Variants in AR observed in about 807,000 individuals in gnomAD.
The protein encoded by AR is dihydrotestosterone receptor.
Under a neutral mutation model 53.9 loss-of-function variants are expected in AR, and 8 were observed. The ratio of observed to expected loss-of-function variants is 0.15; its 90% confidence interval spans 0.09 to 0.27. The LOEUF (loss-of-function observed/expected upper bound fraction) is 0.27, where lower values mean the gene tolerates loss of function less well. Ranked by LOEUF, AR falls within the 10% of genes least tolerant of loss-of-function variation. The pLI is 1.00. For missense variants in AR, 639 were observed against 742.5 expected (o/e 0.86, Z 1.62); for synonymous variants, 359 against 316.4 (o/e 1.13, Z -1.43).
chrX:67,712,219 C>T (rs1209487225), intron 4 of AR, among the ~76,000 whole-genome samples: 1 of 111,969 alleles, frequency 8.9e-6, no homozygotes, highest in Non-Finnish European at 1.9e-5. Flanking sequence ...GATCCCTTCC[C>T]CTTCTGGGTC....
intron 5 of AR, among the ~76,000 whole-genome samples, chrX:67,718,345 T>C (rs1171311415): frequency 9.0e-6 from 1 of 111,590 alleles, no homozygotes; most frequent in African/African-American, 3.3e-5. Context: ...ATACCTGCCC[T>C]GCCACCAGCT....
chrX:67,684,348 A>G (rs924538090), intron 2 of AR, among the ~76,000 whole-genome samples: 1 of 112,113 alleles, frequency 8.9e-6, no homozygotes, highest in Non-Finnish European at 1.9e-5. Context: ...ATCTTGTGGT[A>G]TGCTAGAAAG....
intron 3 of AR, among the ~76,000 whole-genome samples, chrX:67,709,129 C>A (rs1020840984): frequency 3.6e-5 from 4 of 111,831 alleles, no homozygotes; most frequent in African/African-American, 1.3e-4. Flanking sequence ...CTCAGATCTC[C>A]AGCTGTGTGC....
chrX:67,709,988 G>A (rs2076086961), intron 3 of AR, among the ~76,000 whole-genome samples: 1 of 111,504 alleles, frequency 9.0e-6, no homozygotes, highest in Admixed American at 9.6e-5. Context: ...CATTTCCAGT[G>A]ATATGTGTGC....
chrX:67,669,159 T>G (rs2147474145), intron 2 of AR, among the ~76,000 whole-genome samples: 1 of 112,027 alleles, frequency 8.9e-6, no homozygotes, highest in African/African-American at 3.2e-5. Context: ...TTTGAACTTT[T>G]TTGATATAGG....
At chrX:67,623,346 G>A (rs900143896) in intron 1 of AR, among the ~76,000 whole-genome samples, 2 of 111,726 alleles carry the variant, frequency 1.8e-5, no homozygotes, top group African/African-American at 6.5e-5. Context: ...TAAACAATTA[G>A]TAATAGAAGG....
At chrX:67,591,917 C>T (rs1224857195) in intron 1 of AR, among the ~76,000 whole-genome samples, 2 of 112,179 alleles carry the variant, frequency 1.8e-5, no homozygotes, top group African/African-American at 6.5e-5. Flanking sequence ...CTAGAAGAAA[C>T]CTTAGTGGAA....
intron 1 of AR, among the ~76,000 whole-genome samples, chrX:67,582,654 T>A (rs1922346862): frequency 8.9e-6 from 1 of 111,822 alleles, no homozygotes; most frequent in African/African-American, 3.3e-5. Flanking sequence ...GCTCCAAAAT[T>A]GCCTAGGGAA....
At chrX:67,621,348 GTTGTTT>G (rs1221148819) in intron 1 of AR, among the ~76,000 whole-genome samples, 10 of 111,433 alleles carry the variant, frequency 9.0e-5, no homozygotes, top group Non-Finnish European at 1.9e-4. Context: ...CGTTGTTGTT[GTTGTTT>G]TTGTTTGTTT....
chrX:67,725,750 T>C lies in AR; in HGVS notation c.*1909T>C, dbSNP rs754728038. 10 of 173,604 alleles carry C rather than the reference T, an allele frequency of 5.8e-5. No individual in the cohort carries two copies. The highest frequency in any genetic ancestry group is 2.7e-4 in the African/African-American group (9 of 33,824). 14.3% of individuals were successfully genotyped at this position (173,604 alleles called of 1,213,427 possible). A position where few individuals can be genotyped will look rare whatever the true frequency, so the allele number is the denominator to read the frequency against. The stretch of plus-strand genomic sequence containing the variant: ...TCTTAGTCAGAGGGAGGCCAAACCA[T>C]TGAGACTTTCTACAGAACCATGGCT... On this transcript the variant is annotated 3_prime_UTR_variant, in exon 8 of 8. Coordinates refer to ENST00000374690, the MANE Select transcript of AR (RefSeq NM_000044.6).
At chrX:67,634,737 A>T (rs898591875) in intron 1 of AR, among the ~76,000 whole-genome samples, 24 of 111,690 alleles carry the variant, frequency 2.1e-4, no homozygotes, top group African/African-American at 7.5e-4. Context: ...CTCCACCAAA[A>T]TATTCCTTGT....
At position 67,726,698 on chromosome X, in the gene AR, T is replaced by G; in HGVS notation, c.*2857T>G. 1.1e-5 allele frequency: 2 copies of G among 176,065 alleles called. No homozygotes were observed. Among genetic ancestry groups the G allele is most frequent in the Non-Finnish European group, 2.2e-5 (2 of 91,777 alleles). The allele number at this position is 176,065 out of a possible 1,213,427, so 14.5% of individuals were successfully genotyped here. A position where few individuals can be genotyped will look rare whatever the true frequency, so the allele number is the denominator to read the frequency against. On this transcript the variant is annotated 3_prime_UTR_variant, in exon 8 of 8. Coordinates refer to ENST00000374690, the MANE Select transcript of AR (RefSeq NM_000044.6). The stretch of plus-strand genomic sequence containing the variant: ...TGGGTTTGAGTGAACAAAGGAGATT[T>G]TAGCTTGGCTCTGTTCTCCCATGGA...
chrX:67,681,913 G>C (rs1405286559), intron 2 of AR, among the ~76,000 whole-genome samples: 1 of 112,189 alleles, frequency 8.9e-6, no homozygotes, highest in African/African-American at 3.2e-5. Context: ...ATTGTTTCTA[G>C]AATGCAAGGA....
intron 3 of AR, among the ~76,000 whole-genome samples, chrX:67,707,669 A>G (rs1017699298): frequency 3.6e-5 from 4 of 111,705 alleles, no homozygotes; most frequent in Non-Finnish European, 7.5e-5. Flanking sequence ...TTATATGTGA[A>G]TTTGATCCTG....
chrX:67,626,978 G>A (rs1369888208), intron 1 of AR, among the ~76,000 whole-genome samples: 1 of 105,316 alleles, frequency 9.5e-6, no homozygotes, highest in Non-Finnish European at 1.9e-5. Context: ...TTTTATGGCT[G>A]CATAGTATTC....
intron 2 of AR, among the ~76,000 whole-genome samples, chrX:67,672,566 CTCAT>C (rs1478609937): frequency 9.1e-6 from 1 of 110,253 alleles, no homozygotes; most frequent in Non-Finnish European, 1.9e-5. Context: ...TATTTTCTAA[CTCAT>C]TATTTCAAAC....
intron 2 of AR, among the ~76,000 whole-genome samples, chrX:67,654,626 C>G (rs59625430): frequency 0.057 from 6,148 of 108,090 alleles, 469 homozygotes; most frequent in African/African-American, 0.2. Flanking sequence ...AATTCAAGTC[C>G]TAAGCCACTG....
At chrX:67,546,893 A>G in intron 1 of AR, 131 bp downstream of exon 1, 2 of 773,031 alleles carry the variant, frequency 2.6e-6, no homozygotes, top group South Asian at 4.6e-5. Flanking sequence ...GGGTAAACCT[A>G]GAGCTCTCCC....
chrX:67,581,023 T>G lies in AR; in HGVS notation c.1616+34261T>G, dbSNP rs1443258943. The stretch of plus-strand genomic sequence containing the variant: ...CTGGGTTGGACGTGAGAATCATTAA[T>G]GAATCTTTAAAACAATGACAAGGCA... On this transcript the variant is annotated intron_variant, in intron 1 of 7. Transcript: ENST00000374690. 2.7e-5 allele frequency among the ~76,000 whole-genome samples: 3 copies of G among 112,198 alleles called. No homozygotes were observed. In the South Asian group the frequency reaches 1.1e-3, roughly 41 times the overall value.
Sources: allele counts gnomAD v4.1 joint callset (sites outside exome capture counted in the v4.1 genomes callset), GRCh38; gene constraint gnomAD v4.1.1; transcripts MANE v1.5; gene names NCBI Gene and HGNC (gene_info 2026-07-23, HGNC 2026-07-21).